Variants in RBFOX3 observed in about 807,000 individuals in gnomAD.
RBFOX3 encodes RNA binding fox-1 homolog 3.
A neutral mutation model predicts 48.7 loss-of-function variants in RBFOX3; 17 were observed. The observed-to-expected ratio is 0.35, with a 90% CI of 0.24 to 0.52. The LOEUF (loss-of-function observed/expected upper bound fraction) is 0.52, where lower values mean the gene tolerates loss of function less well. RBFOX3 is among the 20% of genes least tolerant of loss of function. The probability of loss-of-function intolerance (pLI) is 0.94; values close to 1 mark genes in which losing one functional copy is unlikely to be tolerated. For missense variants in RBFOX3, 382 were observed against 497.5 expected (o/e 0.77, Z 2.21); for synonymous variants, 212 against 209.5 (o/e 1.01, Z -0.10).
rs565517320 is a variant in RBFOX3 at position 79,390,116 on chromosome 17, C to T, written c.-174-82292G>A. Among the ~76,000 whole-genome samples, 1 of 152,304 alleles carries T rather than the reference C, an allele frequency of 6.6e-6. No individual in the cohort carries two copies. The highest frequency in any genetic ancestry group is 6.5e-5 in the Admixed American group (1 of 15,296). ...CTCCGGGTCTCCGTAGCCAGCCACCCGGCCGAGGGGCTGGGTCCACAGAGG... is the reference window on the plus strand; with the variant it reads ...CTCCGGGTCTCCGTAGCCAGCCACCTGGCCGAGGGGCTGGGTCCACAGAGG... On this transcript the variant is annotated intron_variant, in intron 2 of 14. Transcript: ENST00000693108. The surrounding 1 kb of genome is among the most constrained non-coding windows in gnomAD (Gnocchi z 4.2).
chr17:79,384,323 G>A (rs573188178), intron 2 of RBFOX3, among the ~76,000 whole-genome samples: 18 of 152,176 alleles, frequency 1.2e-4, no homozygotes, highest in Non-Finnish European at 1.6e-4. Flanking sequence ...TAGAGGCTGT[G>A]GGGGAGAAGT....
chr17:79,364,535 T>C lies in RBFOX3; in HGVS notation c.-174-56711A>G, dbSNP rs2057442090. On this transcript the variant is annotated intron_variant, in intron 2 of 14. Transcript: ENST00000693108. The surrounding 1 kb of genome is among the most constrained non-coding windows in gnomAD (Gnocchi z 5.1). ...GTCAGTGCGCAGTTAATGAGTGTGT[T>C]GACTGCACAGACACTGCGTGCAGCT... Among the ~76,000 whole-genome samples the C allele has an allele frequency of 6.6e-6, 1 of 152,178 alleles. No homozygotes were observed. Among genetic ancestry groups the C allele is most frequent in the African/African-American group, 2.4e-5 (1 of 41,442 alleles).
chr17:79,658,779 G>A, the RBFOX3 span, among the ~76,000 whole-genome samples: 184 of 152,212 alleles, frequency 1.2e-3, 2 homozygotes, highest in East Asian at 0.012. Flanking sequence ...TGCCAGGCAC[G>A]TGCTCATTCA....
At chr17:79,356,182 T>C (rs1598368757) in intron 2 of RBFOX3, among the ~76,000 whole-genome samples, 1 of 151,978 alleles carries the variant, frequency 6.6e-6, no homozygotes, top group Non-Finnish European at 1.5e-5. Context: ...TGCCTGAATG[T>C]TCCTGCTTGT....
In RBFOX3 at chr17:79,214,562, G is replaced by C. The variant is rs992580641; in HGVS notation, c.-34+21204C>G. ...GGCAGGCCAAGTGGGAGGGATGTCT[G>C]GGGGGGGTCTCGGAGGAAGCAGGAA... On this transcript the variant is annotated intron_variant, in intron 4 of 14. Coordinates refer to ENST00000693108, the MANE Select transcript of RBFOX3 (RefSeq NM_001350451.2). This position sits in a 1 kb window ranked among gnomAD's most constrained non-coding sequence, Gnocchi z 4.7. Among the ~76,000 whole-genome samples the C allele has an allele frequency of 6.7e-6, 1 of 149,832 alleles. No homozygotes were observed. The highest frequency in any genetic ancestry group is 2.1e-4 in the South Asian group (1 of 4,768).
intron 1 of RBFOX3, among the ~76,000 whole-genome samples, chr17:79,531,608 A>G (rs1453982651): frequency 2.0e-5 from 3 of 152,156 alleles, no homozygotes; most frequent in Non-Finnish European, 2.9e-5. Flanking sequence ...TAAAAAGGTG[A>G]TGGGCCCCTC....
chr17:79,216,962 C>T (rs115456508), intron 4 of RBFOX3, among the ~76,000 whole-genome samples: 2,090 of 152,294 alleles, frequency 0.014, 43 homozygotes, highest in African/African-American at 0.047. Context: ...TGGTGGCAGC[C>T]CTCCTCCAGG....
chr17:79,431,196 G>A (rs564960127), intron 2 of RBFOX3, among the ~76,000 whole-genome samples: 2 of 152,284 alleles, frequency 1.3e-5, no homozygotes, highest in Admixed American at 6.5e-5. Context: ...CCTTAAACAC[G>A]CGGTCTGTTC....
chr17:79,647,077 G>GTA, the RBFOX3 span, among the ~76,000 whole-genome samples: 1 of 151,926 alleles, frequency 6.6e-6, no homozygotes. Flanking sequence ...GTGTGTGTGT[G>GTA]TGTGTGTGAT....
intron 3 of RBFOX3, among the ~76,000 whole-genome samples, chr17:79,286,444 G>A (rs930842682): frequency 2.6e-5 from 4 of 152,078 alleles, no homozygotes; most frequent in African/African-American, 7.2e-5. Flanking sequence ...CTCTCCCCCT[G>A]CAGCCTGCTC....
intron 4 of RBFOX3, among the ~76,000 whole-genome samples, chr17:79,232,242 C>T (rs1331859619): frequency 6.6e-6 from 1 of 152,170 alleles, no homozygotes; most frequent in Non-Finnish European, 1.5e-5. Flanking sequence ...ATCAAAATCC[C>T]AGCAGGCATT....
At chr17:79,396,819 C>A (rs1164557835) in intron 2 of RBFOX3, among the ~76,000 whole-genome samples, 1 of 152,240 alleles carries the variant, frequency 6.6e-6, no homozygotes, top group African/African-American at 2.4e-5. Context: ...CAGACAGCAA[C>A]AACAGGGCAT....
intron 1 of RBFOX3, among the ~76,000 whole-genome samples, chr17:79,529,829 A>C (rs1160945554): frequency 1.3e-5 from 2 of 152,310 alleles, no homozygotes; most frequent in East Asian, 1.9e-4. Context: ...GCCAGGGCCA[A>C]ACCCAGCTCC....
chr17:79,175,932 C>G lies in RBFOX3; in HGVS notation c.-34+59834G>C, dbSNP rs535134398. ...GTGGACTCCCCACTCTCTCTGACCA[C>G]CTGGGGGCTCGCATACACCCTCACA... On this transcript the variant is annotated intron_variant, in intron 4 of 14. Coordinates refer to ENST00000693108, the MANE Select transcript of RBFOX3 (RefSeq NM_001350451.2). Among the ~76,000 whole-genome samples the G allele has an allele frequency of 2.0e-5, 3 of 152,348 alleles. No individual in the cohort carries two copies. The East Asian group carries it at 5.8e-4, about 29-fold the overall frequency.
chr17:79,560,353 T>C (rs969329697), intron 1 of RBFOX3, among the ~76,000 whole-genome samples: 1 of 152,170 alleles, frequency 6.6e-6, no homozygotes. Flanking sequence ...CAGGTATTCA[T>C]GCTTCATTCG....
chr17:79,644,924 T>C, the RBFOX3 span, among the ~76,000 whole-genome samples: 3 of 152,208 alleles, frequency 2.0e-5, no homozygotes, highest in African/African-American at 4.8e-5. Context: ...TTTATGGAAA[T>C]GTGGAAGGCT....
intron 4 of RBFOX3, among the ~76,000 whole-genome samples, chr17:79,159,144 T>G (rs567370578): frequency 6.6e-6 from 1 of 151,172 alleles, no homozygotes; most frequent in Admixed American, 6.6e-5. Flanking sequence ...TTAGTGTGAG[T>G]TGGGGAGCGG....
intron 3 of RBFOX3, among the ~76,000 whole-genome samples, chr17:79,282,447 G>A (rs2070779222): frequency 6.6e-6 from 1 of 152,224 alleles, no homozygotes; most frequent in Admixed American, 6.5e-5. Flanking sequence ...AAAATGACGA[G>A]AGTGAATTGG....
chr17:79,340,459 G>A (rs2081912099), intron 2 of RBFOX3, among the ~76,000 whole-genome samples: 1 of 152,220 alleles, frequency 6.6e-6, no homozygotes, highest in African/African-American at 2.4e-5. Context: ...CTTACAGCCT[G>A]AGCCGCCCTG....
Sources: gnomAD v4.1 joint callset for allele counts (sites outside exome capture counted in the v4.1 genomes callset) on GRCh38, gnomAD v4.1.1 for gene constraint, Gnocchi (gnomAD v3.1) non-coding constraint, MANE v1.5 for transcripts, NCBI Gene and HGNC (gene_info 2026-07-23, HGNC 2026-07-21) for gene names.